Variants in CLVS1 observed in about 807,000 individuals in gnomAD.
The protein encoded by CLVS1 is clavesin-1.
Under a neutral mutation model 33.1 loss-of-function variants are expected in CLVS1, and 10 were observed. That is an observed-to-expected ratio of 0.30 (90% CI 0.19 to 0.51). The LOEUF is 0.51. Ranked by LOEUF, CLVS1 falls within the 20% of genes least tolerant of loss-of-function variation. The pLI is 0.97. For synonymous variants in CLVS1, 163 were observed against 166.1 expected (o/e 0.98, Z 0.14); for missense variants, 343 against 433.4 (o/e 0.79, Z 1.85).
chr8:61,423,598 G>A (rs575103813), intron 3 of CLVS1, among the ~76,000 whole-genome samples: 177 of 152,254 alleles, frequency 1.2e-3, no homozygotes, highest in Middle Eastern at 6.8e-3. Flanking sequence ...TGGTAATGAA[G>A]AGCGCCCTAA....
chr8:61,461,803 C>A (rs1409325021), intron 5 of CLVS1, among the ~76,000 whole-genome samples: 2 of 152,132 alleles, frequency 1.3e-5, no homozygotes, highest in Non-Finnish European at 2.9e-5. Context: ...TGTTCAAAAG[C>A]CCTCCAAATG....
intron 5 of CLVS1, among the ~76,000 whole-genome samples, chr8:61,471,126 A>G (rs1427516257): frequency 1.3e-5 from 2 of 152,008 alleles, no homozygotes; most frequent in African/African-American, 2.4e-5. Context: ...TCATTTTCCT[A>G]TCTGGTCATT....
At chr8:61,383,510 G>A (rs1363093899) in intron 3 of CLVS1, among the ~76,000 whole-genome samples, 2 of 152,228 alleles carry the variant, frequency 1.3e-5, no homozygotes, top group East Asian at 3.8e-4. Context: ...ACACTCTGGT[G>A]ATGCTTGAAG....
In CLVS1 at chr8:61,184,523, GGCTGTAGCGGAGAAGCAGTGGCAGGA is replaced by G. The variant is rs1807304206; in HGVS notation, c.-152+52666_-152+52691del. 2.0e-5 allele frequency among the ~76,000 whole-genome samples: 3 copies of G among 152,348 alleles called. No individual in the cohort carries two copies. The East Asian group carries it at 5.8e-4, about 29-fold the overall frequency. Reference sequence around the variant, plus strand: ...TGTGGGGTGCAAGGGGTTAAGGGAAGGCTGTAGCGGAGAAGCAGTGGCAGGAGCCTCAGCCCTCCCTGTGGGGCACT... The same window carrying G: ...TGTGGGGTGCAAGGGGTTAAGGGAAGGCCTCAGCCCTCCCTGTGGGGCACT... On this transcript the variant is annotated intron_variant, in intron 2 of 2. Coordinates refer to the CLVS1 transcript ENST00000522621.
chr8:61,257,591 C>T (rs1774955746), intron 2 of CLVS1, among the ~76,000 whole-genome samples: 4 of 152,140 alleles, frequency 2.6e-5, no homozygotes, highest in Admixed American at 1.3e-4. Flanking sequence ...CCAGTAAGAT[C>T]TGTAACCACG....
At chr8:61,215,426 C>T (rs1453415356) in intron 2 of CLVS1, among the ~76,000 whole-genome samples, 4 of 152,076 alleles carry the variant, frequency 2.6e-5, no homozygotes, top group African/African-American at 7.2e-5. Context: ...TCACTGTGTA[C>T]CTGAGCTTGA....
chr8:61,122,815 T>C lies in CLVS1; in HGVS notation c.-242-8955T>C, dbSNP rs934445924. ...CAGCTTCAATCCTTTCCCAGCTCTC[T>C]GGCTCCTTTGCTGAAAAAGGACACT... On this transcript the variant is annotated intron_variant, in intron 1 of 2. Coordinates refer to the CLVS1 transcript ENST00000522621. Among the ~76,000 whole-genome samples the C allele has an allele frequency of 5.2e-4, 54 of 103,538 alleles. 4 individuals carry two copies. The highest frequency in any genetic ancestry group is 1.8e-3 in the African/African-American group (54 of 30,798). 67.9% of individuals were successfully genotyped at this position (103,538 alleles called of 152,430 possible).
At chr8:61,288,377 A>C (rs1445313795) in intron 1 of CLVS1, 2 of 414,938 alleles carry the variant, frequency 4.8e-6, no homozygotes, top group Non-Finnish European at 9.8e-6. Context: ...CCCCATCTCC[A>C]CCATCACCGT....
intron 2 of CLVS1, among the ~76,000 whole-genome samples, chr8:61,201,970 G>A (rs2931325): frequency 0.22 from 34,132 of 151,994 alleles, 4,003 homozygotes; most frequent in Admixed American, 0.28. Context: ...GGTTTCCATC[G>A]GCTGGAATGG....
At chr8:61,051,001 GTGACCTCC>G in the CLVS1 span, among the ~76,000 whole-genome samples, 1 of 152,226 alleles carries the variant, frequency 6.6e-6, no homozygotes, top group Non-Finnish European at 1.5e-5. Flanking sequence ...CGACTGAGGA[GTGACCTCC>G]TCTGATCCCA....
intron 3 of CLVS1, among the ~76,000 whole-genome samples, chr8:61,422,646 A>G (rs1815724686): frequency 1.3e-5 from 2 of 152,332 alleles, no homozygotes; most frequent in South Asian, 4.1e-4. Context: ...GAGGAACCAT[A>G]TAGTATTTGA....
In CLVS1 at chr8:61,210,434, T is replaced by C. The variant is rs372571179; in HGVS notation, c.-152+78574T>C. Among the ~76,000 whole-genome samples the C allele has an allele frequency of 6.9e-4, 105 of 152,352 alleles. No individual in the cohort carries two copies. The South Asian group carries it at 0.021, about 31-fold the overall frequency. On this transcript the variant is annotated intron_variant, in intron 2 of 2. Transcript: ENST00000522621. ...TTACCCAGTCTCAGGTGTTTTGTTA[T>C]GGCAGTAGAAGCAGACTAAGATGAC... is the stretch of plus-strand genomic sequence containing the variant.
At chr8:61,215,916 A>T (rs932039588) in intron 2 of CLVS1, among the ~76,000 whole-genome samples, 9 of 152,232 alleles carry the variant, frequency 5.9e-5, no homozygotes, top group African/African-American at 1.9e-4. Flanking sequence ...CCCCTTGTTC[A>T]ATCCATTTCT....
At position 61,116,502 on chromosome 8, in the gene CLVS1, A is replaced by G. The variant is rs1585621227; in HGVS notation, c.-242-15268A>G. On this transcript the variant is annotated intron_variant, in intron 1 of 2. Transcript: ENST00000522621. ...TTTCTTCTAGGGTTTTTATGGTTTTAGGTCTAACATTTAAGTCTTTAATCC... is the reference window on the plus strand; with the variant it reads ...TTTCTTCTAGGGTTTTTATGGTTTTGGGTCTAACATTTAAGTCTTTAATCC... 3.9e-5 allele frequency among the ~76,000 whole-genome samples: 6 copies of G among 152,296 alleles called. 1 individual carries two copies. Among genetic ancestry groups the G allele is most frequent in the African/African-American group, 1.4e-4 (6 of 41,540 alleles).
intron 1 of CLVS1, among the ~76,000 whole-genome samples, chr8:61,064,360 T>C: frequency 6.6e-6 from 1 of 152,198 alleles, no homozygotes; most frequent in East Asian, 1.9e-4. Context: ...GATTCCAATT[T>C]CTTCACAACT....
At chr8:61,471,069 T>A (rs905904841) in intron 5 of CLVS1, among the ~76,000 whole-genome samples, 10 of 152,228 alleles carry the variant, frequency 6.6e-5, no homozygotes, top group African/African-American at 2.4e-4. Flanking sequence ...TTCAGCCTTG[T>A]GACTTTGAGG....
At chr8:61,170,530 G>A (rs528876589) in intron 2 of CLVS1, among the ~76,000 whole-genome samples, 4 of 152,272 alleles carry the variant, frequency 2.6e-5, no homozygotes, top group African/African-American at 9.6e-5. Flanking sequence ...CTTATATGGT[G>A]CCATATTTGA....
chr8:60,980,279 A>G, the CLVS1 span, among the ~76,000 whole-genome samples: 1 of 152,310 alleles, frequency 6.6e-6, no homozygotes, highest in South Asian at 2.1e-4. Flanking sequence ...TCCTTAACTA[A>G]TTATTTTAAT....
chr8:61,033,547 C>T, the CLVS1 span, among the ~76,000 whole-genome samples: 2 of 152,112 alleles, frequency 1.3e-5, no homozygotes, highest in African/African-American at 4.8e-5. Flanking sequence ...CTGTCTCCCT[C>T]AGTCAGGGGG....
Sources: gnomAD v4.1 joint callset for allele counts (sites outside exome capture counted in the v4.1 genomes callset) on GRCh38, gnomAD v4.1.1 for gene constraint, MANE v1.5 for transcripts, NCBI Gene and HGNC (gene_info 2026-07-23, HGNC 2026-07-21) for gene names.